SLC19A1: variants seen among roughly 807,000 people sequenced by gnomAD.
SLC19A1 encodes the protein reduced folate transporter.
SLC19A1 carries 37 observed loss-of-function variants against 35.3 expected under a neutral mutation model. That is an observed-to-expected ratio of 1.05 (90% CI 0.81 to 1.38). The LOEUF (loss-of-function observed/expected upper bound fraction) is 1.38, where lower values mean the gene tolerates loss of function less well. Among genes scored for constraint, SLC19A1 ranks in the 40% most tolerant of loss-of-function variants. The pLI is 0.00. For missense variants in SLC19A1, 831 were observed against 826.9 expected (o/e 1.00, Z -0.06); for synonymous variants, 460 against 398.5 (o/e 1.15, Z -1.84).
At position 45,515,174 on chromosome 21, in the gene SLC19A1, A is replaced by G; in HGVS notation, c.*484T>C. The G allele has an allele frequency of 3.9e-6, 6 of 1,523,466 alleles. No homozygotes were observed. The highest frequency in any genetic ancestry group is 5.3e-6 in the Non-Finnish European group (6 of 1,140,118). 94.4% of individuals were successfully genotyped at this position (1,523,466 alleles called of 1,614,324 possible). The stretch of plus-strand genomic sequence containing the variant: ...CATTCTACGTCAGTTAAAAAAAAAA[A>G]AAGCATCTTTCAAAAAAGCAAGAGC... On this transcript the variant is annotated 3_prime_UTR_variant, in exon 6 of 6. Transcript: ENST00000311124.
At chr21:45,518,045 A>G (rs778714031) in intron 5 of SLC19A1, among the ~76,000 whole-genome samples, 2 of 152,214 alleles carry the variant, frequency 1.3e-5, no homozygotes, top group African/African-American at 2.4e-5. Context: ...AGACACCAAC[A>G]CTAAGACAAC....
At chr21:45,504,815 C>T (rs1443865348) in intron 3 of SLC19A1, among the ~76,000 whole-genome samples, 1 of 152,150 alleles carries the variant, frequency 6.6e-6, no homozygotes, top group Non-Finnish European at 1.5e-5. Context: ...TCCACCTCTG[C>T]TCCTGGGCCG....
intron 3 of SLC19A1, chr21:45,503,888 C>T (rs758118550): frequency 5.0e-5 from 46 of 919,936 alleles, no homozygotes; most frequent in Admixed American, 1.9e-4. Flanking sequence ...ATTAAATACG[C>T]GATCTCTACC....
downstream of SLC19A1, among the ~76,000 whole-genome samples, chr21:45,509,101 T>G (rs769845382): frequency 1.3e-5 from 2 of 152,028 alleles, no homozygotes; most frequent in African/African-American, 4.8e-5. Context: ...TGGTGAGTGA[T>G]TGCTGCGGCT....
chr21:45,549,819 CGGT>C (rs2078448469), intron 1 of SLC19A1, among the ~76,000 whole-genome samples: 1 of 62,520 alleles, frequency 1.6e-5, no homozygotes, highest in African/African-American at 6.9e-5. Flanking sequence ...GGGTGGTGGA[CGGT>C]GGGGAGGGGA....
intron 4 of SLC19A1, among the ~76,000 whole-genome samples, chr21:45,528,151 C>G (rs569585495): frequency 6.6e-6 from 1 of 151,692 alleles, no homozygotes; most frequent in Non-Finnish European, 1.5e-5. Flanking sequence ...ACAGAGGTCC[C>G]GGTGAGCAGG....
At chr21:45,505,347 C>G in intron 3 of SLC19A1, 2 of 1,595,950 alleles carry the variant, frequency 1.3e-6, no homozygotes, top group Middle Eastern at 1.7e-4. Context: ...ACCTTGGTTT[C>G]TCTCCTGCAG....
intron 5 of SLC19A1, among the ~76,000 whole-genome samples, chr21:45,519,166 G>C (rs1329709585): frequency 6.6e-6 from 1 of 151,980 alleles, no homozygotes; most frequent in East Asian, 1.9e-4. Context: ...AATCCATAAA[G>C]CAACCAAAAA....
intron 1 of SLC19A1, among the ~76,000 whole-genome samples, chr21:45,561,077 C>T (rs920780759): frequency 1.1e-4 from 16 of 152,154 alleles, no homozygotes; most frequent in African/African-American, 1.7e-4. Flanking sequence ...CCCTGCCTTG[C>T]GAACCACAGT....
chr21:45,551,608 T>A (rs1055792449), intron 1 of SLC19A1, among the ~76,000 whole-genome samples: 3 of 152,190 alleles, frequency 2.0e-5, no homozygotes, highest in Non-Finnish European at 4.4e-5. Flanking sequence ...TGGTTTAATA[T>A]GTCGTTTTAT....
rs1221684394 is a variant in SLC19A1 at position 45,517,155 on chromosome 21, C to T, written c.1294-1015G>A. 2.6e-5 allele frequency among the ~76,000 whole-genome samples: 4 copies of T among 152,174 alleles called. No individual in the cohort carries two copies. Among genetic ancestry groups the T allele is most frequent in the Non-Finnish European group, 5.9e-5 (4 of 68,018 alleles). On this transcript the variant is annotated intron_variant, in intron 5 of 5. Transcript: ENST00000311124. The surrounding 1 kb of genome is among the most constrained non-coding windows in gnomAD (Gnocchi z 4.4). ...CACGCAGAGCTCCCTGGGGGCTTTT[C>T]TTTTCACCTCAGATATTTTGAAACT...
chr21:45,504,223 C>T lies in SLC19A1; in HGVS notation c.498-5611G>A, dbSNP rs915893727. ...GGCGTCCCTCAGGATGTTCCTGTCCCCGGCTCAGTTTTTGGGGGACTCGGC... is the reference window on the plus strand; with the variant it reads ...GGCGTCCCTCAGGATGTTCCTGTCCTCGGCTCAGTTTTTGGGGGACTCGGC... On this transcript the variant is annotated intron_variant, in intron 3 of 4. Coordinates refer to the SLC19A1 transcript ENST00000417954. 8.6e-6 allele frequency: 8 copies of T among 934,566 alleles called. No individual in the cohort carries two copies. The Admixed American group carries it at 1.7e-4, about 20-fold the overall frequency. 57.9% of individuals were successfully genotyped at this position (934,566 alleles called of 1,614,324 possible).
chr21:45,506,029 A>G (rs1465838929), intron 3 of SLC19A1: 27 of 1,610,366 alleles, frequency 1.7e-5, no homozygotes, highest in Non-Finnish European at 2.2e-5. Flanking sequence ...CCTGGGGCTT[A>G]AGGAAGGCGA....
At chr21:45,543,388 CACAGA>C (rs1230388315), upstream of SLC19A1, among the ~76,000 whole-genome samples, 3 of 152,238 alleles carry the variant, frequency 2.0e-5, no homozygotes, top group African/African-American at 7.2e-5. Context: ...AAGTCCACTG[CACAGA>C]ACAGAAGGGG....
chr21:45,505,787 GC>G (rs1413340744), intron 3 of SLC19A1: 11 of 1,248,126 alleles, frequency 8.8e-6, no homozygotes, highest in Non-Finnish European at 1.2e-5. Context: ...TTCCGCCCCT[GC>G]CCCCCGCCCT....
At position 45,523,125 on chromosome 21, in the gene SLC19A1, C is replaced by T. The variant is rs544415768; in HGVS notation, c.1293+2692G>A. 1.9e-3 allele frequency among the ~76,000 whole-genome samples: 289 copies of T among 152,254 alleles called. 1 individual carries two copies. Among genetic ancestry groups the T allele is most frequent in the African/African-American group, 5.2e-3 (215 of 41,526 alleles). Reference sequence around the variant, plus strand: ...CCCATGCTCCATCACGGCTCCCTCCCGTCTCCAGACTCTACCCCCGACCAA... The same window carrying T: ...CCCATGCTCCATCACGGCTCCCTCCTGTCTCCAGACTCTACCCCCGACCAA... On this transcript the variant is annotated intron_variant, in intron 5 of 5. Transcript: ENST00000311124.
intron 1 of SLC19A1, among the ~76,000 whole-genome samples, chr21:45,550,660 T>A (rs1161920259): frequency 6.6e-6 from 1 of 152,210 alleles, no homozygotes; most frequent in African/African-American, 2.4e-5. Context: ...CGGGCTTCCG[T>A]GGTTTTGTTG....
At chr21:45,528,313 G>A (rs1304592254) in intron 4 of SLC19A1, among the ~76,000 whole-genome samples, 4 of 152,178 alleles carry the variant, frequency 2.6e-5, no homozygotes, top group Admixed American at 1.3e-4. Flanking sequence ...AAAGGCAGAC[G>A]AGTGTGGGGC....
chr21:45,550,870 C>T (rs2078458292), intron 1 of SLC19A1, among the ~76,000 whole-genome samples: 1 of 148,834 alleles, frequency 6.7e-6, no homozygotes, highest in Non-Finnish European at 1.5e-5. Flanking sequence ...TTCCTCCCCT[C>T]TCCTCCGCCT....
Sources: allele counts gnomAD v4.1 joint callset (sites outside exome capture counted in the v4.1 genomes callset), GRCh38; gene constraint gnomAD v4.1.1; non-coding constraint Gnocchi (gnomAD v3.1); transcripts MANE v1.5; gene names NCBI Gene and HGNC (gene_info 2026-07-23, HGNC 2026-07-21).